CHODL: variants seen among roughly 807,000 people sequenced by gnomAD.
The protein encoded by CHODL is transmembrane protein MT75.
A neutral mutation model predicts 34.5 loss-of-function variants in CHODL; 29 were observed. The observed-to-expected ratio is 0.84, with a 90% CI of 0.63 to 1.15. CHODL has a LOEUF of 1.15. CHODL is among the 50% of genes most tolerant of loss of function. The probability of loss-of-function intolerance (pLI) is 0.00; values close to 1 mark genes in which losing one functional copy is unlikely to be tolerated. For missense variants in CHODL, 332 were observed against 332.5 expected (o/e 1.00, Z 0.01); for synonymous variants, 125 against 116.1 (o/e 1.08, Z -0.49).
chr21:17,944,490 C>T (rs538281346), intron 1 of CHODL, among the ~76,000 whole-genome samples: 3 of 152,180 alleles, frequency 2.0e-5, no homozygotes, highest in Non-Finnish European at 2.9e-5. Flanking sequence ...ACCCAGACAG[C>T]GGGACAATCC....
intron 2 of CHODL, among the ~76,000 whole-genome samples, chr21:18,203,472 T>A (rs2073677800): frequency 6.6e-6 from 1 of 152,142 alleles, no homozygotes; most frequent in Non-Finnish European, 1.5e-5. Flanking sequence ...AAAACATTAT[T>A]AATTTATAAT....
intron 2 of CHODL, among the ~76,000 whole-genome samples, chr21:18,158,911 G>A (rs911496415): frequency 2.6e-5 from 4 of 151,250 alleles, no homozygotes; most frequent in Admixed American, 6.6e-5. Context: ...AATTTTCTTA[G>A]TGTATTGTGC....
At position 18,056,256 on chromosome 21, in the gene CHODL, C is replaced by T. The variant is rs2064578442; in HGVS notation, c.-45+28285C>T. 2.0e-5 allele frequency among the ~76,000 whole-genome samples: 3 copies of T among 151,822 alleles called. No individual in the cohort carries two copies. The South Asian group carries it at 6.2e-4, about 31-fold the overall frequency. ...CCAGTGTTTATTGTTTCTTGTGTTGCTGTTTATCAAGTCATTTCAAATCTT... is the reference window on the plus strand; with the variant it reads ...CCAGTGTTTATTGTTTCTTGTGTTGTTGTTTATCAAGTCATTTCAAATCTT... On this transcript the variant is annotated intron_variant, in intron 2 of 6. Coordinates refer to the CHODL transcript ENST00000400127.
chr21:18,175,267 A>T (rs1324467960), intron 2 of CHODL, among the ~76,000 whole-genome samples: 1 of 152,050 alleles, frequency 6.6e-6, no homozygotes, highest in Non-Finnish European at 1.5e-5. Flanking sequence ...TGTCTTTTTC[A>T]TCTATTCATT....
chr21:18,153,456 A>G (rs2072995616), intron 2 of CHODL, among the ~76,000 whole-genome samples: 1 of 152,134 alleles, frequency 6.6e-6, no homozygotes, highest in African/African-American at 2.4e-5. Flanking sequence ...TATGCTTCAA[A>G]TATCTTTGAC....
intron 2 of CHODL, among the ~76,000 whole-genome samples, chr21:18,226,936 GT>G (rs2073936531): frequency 6.6e-6 from 1 of 152,218 alleles, no homozygotes; most frequent in South Asian, 2.1e-4. Flanking sequence ...TGAAATAGCT[GT>G]CTTAGTCCAT....
intron 1 of CHODL, among the ~76,000 whole-genome samples, chr21:18,004,446 T>G (rs1472422107): frequency 6.6e-6 from 1 of 152,206 alleles, no homozygotes; most frequent in Non-Finnish European, 1.5e-5. Flanking sequence ...GAAATACTCT[T>G]GGGAAAATAA....
chr21:17,964,339 A>G (rs1259638822), intron 1 of CHODL, among the ~76,000 whole-genome samples: 2 of 152,254 alleles, frequency 1.3e-5, no homozygotes, highest in African/African-American at 2.4e-5. Flanking sequence ...ACATAGAAAC[A>G]AGCACACAGT....
At chr21:18,172,737 T>C (rs1403881143) in intron 2 of CHODL, among the ~76,000 whole-genome samples, 12 of 152,226 alleles carry the variant, frequency 7.9e-5, no homozygotes, top group Admixed American at 7.9e-4. Context: ...TCCCATCTTC[T>C]ATTTGGTTTT....
intron 2 of CHODL, among the ~76,000 whole-genome samples, chr21:18,104,076 A>G (rs568868383): frequency 3.9e-4 from 59 of 152,300 alleles, no homozygotes; most frequent in African/African-American, 1.3e-3. Context: ...ATGTATAAGG[A>G]AATCATATTT....
chr21:18,180,488 G>A (rs2073369081), intron 2 of CHODL, among the ~76,000 whole-genome samples: 3 of 152,184 alleles, frequency 2.0e-5, no homozygotes, highest in Admixed American at 2.0e-4. Flanking sequence ...TTGAGAAACT[G>A]CATGTTTCCT....
At chr21:17,970,841 C>T (rs768618627) in intron 1 of CHODL, among the ~76,000 whole-genome samples, 8 of 152,056 alleles carry the variant, frequency 5.3e-5, no homozygotes, top group South Asian at 4.1e-4. Flanking sequence ...ATCCATCAAC[C>T]GGTCATCTAC....
At chr21:18,016,818 C>CT (rs1393281742) in intron 1 of CHODL, among the ~76,000 whole-genome samples, 3 of 152,234 alleles carry the variant, frequency 2.0e-5, no homozygotes, top group African/African-American at 7.2e-5. Context: ...TGCCCAAGAC[C>CT]TTGGAAACCC....
At chr21:17,945,466 A>G (rs1256689695) in intron 1 of CHODL, among the ~76,000 whole-genome samples, 1 of 152,208 alleles carries the variant, frequency 6.6e-6, no homozygotes, top group East Asian at 1.9e-4. Flanking sequence ...TTAAACAGAA[A>G]TATTCAATAG....
chr21:18,239,880 G>A (rs2074064987), upstream of CHODL, among the ~76,000 whole-genome samples: 1 of 151,840 alleles, frequency 6.6e-6, no homozygotes, highest in Non-Finnish European at 1.5e-5. Context: ...TGAGGATATA[G>A]CCATTTATTA....
chr21:18,202,652 T>G (rs1276489759), intron 2 of CHODL, among the ~76,000 whole-genome samples: 1 of 152,218 alleles, frequency 6.6e-6, no homozygotes, highest in African/African-American at 2.4e-5. Context: ...GTCTGTGGTG[T>G]CTTGTTACAG....
chr21:18,098,539 G>T (rs533915547), intron 2 of CHODL, among the ~76,000 whole-genome samples: 1 of 151,886 alleles, frequency 6.6e-6, no homozygotes, highest in Admixed American at 6.6e-5. Flanking sequence ...CATCTTACTC[G>T]GCTAAAATAG....
intron 2 of CHODL, among the ~76,000 whole-genome samples, chr21:18,208,012 G>A (rs1287827911): frequency 6.6e-6 from 1 of 151,894 alleles, no homozygotes; most frequent in African/African-American, 2.4e-5. Context: ...CTAGGTTTGG[G>A]AAGTTCTGTG....
chr21:18,135,018 C>T (rs1175370323), intron 2 of CHODL, among the ~76,000 whole-genome samples: 1 of 152,224 alleles, frequency 6.6e-6, no homozygotes, highest in Non-Finnish European at 1.5e-5. Flanking sequence ...AATTTTACCA[C>T]TGATATGACT....
Sources: gnomAD v4.1 joint callset for allele counts (sites outside exome capture counted in the v4.1 genomes callset) on GRCh38, gnomAD v4.1.1 for gene constraint, MANE v1.5 for transcripts, NCBI Gene and HGNC (gene_info 2026-07-23, HGNC 2026-07-21) for gene names.